DCC: variants seen among roughly 807,000 people sequenced by gnomAD.
DCC encodes DCC netrin 1 receptor.
DCC carries 58 observed loss-of-function variants against 172.5 expected under a neutral mutation model. That is an observed-to-expected ratio of 0.34 (90% CI 0.27 to 0.42). DCC has a LOEUF of 0.42. Among genes scored for constraint, DCC ranks in the 10% least tolerant of loss-of-function variants. The probability of loss-of-function intolerance (pLI) is 1.00; values close to 1 mark genes in which losing one functional copy is unlikely to be tolerated. For missense variants in DCC, 1,740 were observed against 1,791.0 expected (o/e 0.97, Z 0.51); for synonymous variants, 709 against 644.5 (o/e 1.10, Z -1.52).
chr18:52,906,372 A>C, intron 3 of DCC, 44 bp downstream of exon 3: 1 of 1,602,014 alleles, frequency 6.2e-7, no homozygotes, highest in Non-Finnish European at 8.5e-7. Flanking sequence ...TATTCTCTGG[A>C]ATAAGTTGAA....
At chr18:52,979,348 G>A (rs1026956374) in intron 5 of DCC, among the ~76,000 whole-genome samples, 1 of 152,138 alleles carries the variant, frequency 6.6e-6, no homozygotes, top group African/African-American at 2.4e-5. Context: ...TTAGGAGTCA[G>A]AAAGCTGTGA....
At chr18:53,203,200 CTTGT>C (rs1247972277) in intron 9 of DCC, among the ~76,000 whole-genome samples, 1 of 57,322 alleles carries the variant, frequency 1.7e-5, no homozygotes. Context: ...TATAGATTCT[CTTGT>C]GTGTGTGTGT....
intron 1 of DCC, among the ~76,000 whole-genome samples, chr18:52,748,482 A>G (rs776807114): frequency 2.6e-5 from 4 of 152,174 alleles, no homozygotes; most frequent in Admixed American, 6.5e-5. Context: ...GAACGGGGCA[A>G]GGGGTGGGCA....
chr18:52,927,109 G>GTACGTGTA lies in DCC; in HGVS notation c.985+1741_985+1742insCGTGTATA, dbSNP rs2040223773. 3.5e-5 allele frequency among the ~76,000 whole-genome samples: 3 copies of GTACGTGTA among 84,952 alleles called. 1 individual carries two copies. The highest frequency in any genetic ancestry group is 7.7e-5 in the Non-Finnish European group (3 of 38,762). The allele number at this position is 84,952 out of a possible 152,430, so 55.7% of individuals were successfully genotyped here. On this transcript the variant is annotated intron_variant, in intron 5 of 28. Coordinates refer to ENST00000442544, the MANE Select transcript of DCC (RefSeq NM_005215.4). Reference sequence around the variant, plus strand: ...TACACGTATATACGTGTATATACACGTATATACGTGTATATACACGTATAT... The same window carrying GTACGTGTA: ...TACACGTATATACGTGTATATACACGTACGTGTATATATACGTGTATATACACGTATAT...
chr18:52,672,039 C>T (rs1164564228), intron 1 of DCC, among the ~76,000 whole-genome samples: 1 of 152,136 alleles, frequency 6.6e-6, no homozygotes, highest in Non-Finnish European at 1.5e-5. Flanking sequence ...ACCACTTTGG[C>T]ATAACCAATC....
chr18:52,833,805 C>G lies in DCC; in HGVS notation c.413-72239C>G, dbSNP rs568173719. On this transcript the variant is annotated intron_variant, in intron 2 of 28. Transcript: ENST00000442544. ...CCTCCCAAGTAACTGGGACTACAGG[C>G]GCGTGGCACCATGCCTAGCTAATTA... Among the ~76,000 whole-genome samples, 15 of 152,208 alleles carry G rather than the reference C, an allele frequency of 9.9e-5. No homozygotes were observed. In the East Asian group the frequency reaches 2.7e-3, roughly 27 times the overall value.
chr18:53,341,180 A>G (rs1292268195), intron 15 of DCC, among the ~76,000 whole-genome samples: 1 of 152,202 alleles, frequency 6.6e-6, no homozygotes, highest in South Asian at 2.1e-4. Flanking sequence ...AGCATCCACC[A>G]TCTTTGACAG....
At chr18:53,097,241 G>A (rs933567972) in intron 7 of DCC, among the ~76,000 whole-genome samples, 7 of 152,098 alleles carry the variant, frequency 4.6e-5, no homozygotes, top group Non-Finnish European at 1.0e-4. Context: ...TTAAAGCATT[G>A]AAAGGTGTAA....
chr18:53,048,281 T>A (rs1057103222), intron 5 of DCC, among the ~76,000 whole-genome samples: 1 of 151,680 alleles, frequency 6.6e-6, no homozygotes, highest in Non-Finnish European at 1.5e-5. Flanking sequence ...TCTCCCACCC[T>A]CCACTCAGAA....
intron 13 of DCC, among the ~76,000 whole-genome samples, chr18:53,315,649 A>G (rs1388647527): frequency 6.6e-6 from 1 of 152,054 alleles, no homozygotes; most frequent in African/African-American, 2.4e-5. Context: ...TTTAATGATC[A>G]CCATTCTAAC....
rs773316018 is a variant in DCC at position 53,379,812 on chromosome 18, T to C, written c.2360-6231T>C. Among the ~76,000 whole-genome samples, 6 of 152,314 alleles carry C rather than the reference T, an allele frequency of 3.9e-5. No homozygotes were observed. In the South Asian group the frequency reaches 8.3e-4, roughly 21 times the overall value. ...ACAAGAAAGGTTGGCCAAACAATAA[T>C]GAAAATCTGATCAATAATTTCAAAT... On this transcript the variant is annotated intron_variant, in intron 15 of 28. Coordinates refer to ENST00000442544, the MANE Select transcript of DCC (RefSeq NM_005215.4).
chr18:52,608,377 G>C (rs767060492), intron 1 of DCC, among the ~76,000 whole-genome samples: 2 of 152,192 alleles, frequency 1.3e-5, no homozygotes, highest in Non-Finnish European at 2.9e-5. Flanking sequence ...AGAGAGAGGA[G>C]AGTTTGGTTT....
intron 3 of DCC, among the ~76,000 whole-genome samples, chr18:52,921,788 T>C (rs1231531610): frequency 6.6e-6 from 1 of 151,326 alleles, no homozygotes; most frequent in Non-Finnish European, 1.5e-5. Flanking sequence ...CGTTGATAGG[T>C]CCTAGGTAAT....
intron 6 of DCC, among the ~76,000 whole-genome samples, chr18:53,065,550 G>T (rs991100626): frequency 6.6e-6 from 1 of 152,032 alleles, no homozygotes; most frequent in Admixed American, 6.6e-5. Context: ...AATATTTAAA[G>T]AATTTTTAGA....
At chr18:53,198,628 A>G (rs2055486966) in intron 9 of DCC, among the ~76,000 whole-genome samples, 1 of 152,180 alleles carries the variant, frequency 6.6e-6, no homozygotes, top group Admixed American at 6.5e-5. Flanking sequence ...TTTTATATAT[A>G]GTCAGAAATT....
At chr18:52,415,958 T>C (rs1034701547) in intron 1 of DCC, among the ~76,000 whole-genome samples, 1 of 152,142 alleles carries the variant, frequency 6.6e-6, no homozygotes, top group Non-Finnish European at 1.5e-5. Context: ...CTTTTAATTG[T>C]GATGTTAGGG....
intron 1 of DCC, among the ~76,000 whole-genome samples, chr18:52,697,280 AC>A (rs1468435744): frequency 4.6e-5 from 7 of 152,224 alleles, no homozygotes; most frequent in African/African-American, 1.7e-4. Context: ...ACACATACAC[AC>A]ACATGCAATG....
At chr18:52,889,052 A>C (rs978856374) in intron 2 of DCC, among the ~76,000 whole-genome samples, 1 of 152,116 alleles carries the variant, frequency 6.6e-6, no homozygotes, top group Non-Finnish European at 1.5e-5. Flanking sequence ...TCAACAGGGG[A>C]GGGAATGCTC....
At chr18:52,355,595 G>A (rs918829969) in intron 1 of DCC, among the ~76,000 whole-genome samples, 1 of 152,184 alleles carries the variant, frequency 6.6e-6, no homozygotes, top group Non-Finnish European at 1.5e-5. Context: ...TCATTCGACA[G>A]ATGTTTTTAA....
Sources: allele counts gnomAD v4.1 joint callset (sites outside exome capture counted in the v4.1 genomes callset), GRCh38; gene constraint gnomAD v4.1.1; transcripts MANE v1.5; gene names NCBI Gene and HGNC (gene_info 2026-07-23, HGNC 2026-07-21).